SHPRH: variants seen among roughly 807,000 people sequenced by gnomAD.
SHPRH encodes E3 ubiquitin-protein ligase SHPRH.
SHPRH carries 106 observed loss-of-function variants against 202.5 expected under a neutral mutation model. The observed-to-expected ratio is 0.52, with a 90% CI of 0.45 to 0.62. The LOEUF (loss-of-function observed/expected upper bound fraction) is 0.62, where lower values mean the gene tolerates loss of function less well. Among genes scored for constraint, SHPRH ranks in the 20% least tolerant of loss-of-function variants. SHPRH has a pLI of 0.00. For missense variants in SHPRH, 1,710 were observed against 2,020.0 expected (o/e 0.85, Z 2.94); for synonymous variants, 729 against 686.0 (o/e 1.06, Z -0.98).
chr6:145,862,006 G>A (rs974610423), downstream of SHPRH, among the ~76,000 whole-genome samples: 1 of 152,190 alleles, frequency 6.6e-6, no homozygotes, highest in African/African-American at 2.4e-5. Flanking sequence ...GGGACCAGGG[G>A]TGGGAGAATG....
intron 25 of SHPRH, among the ~76,000 whole-genome samples, chr6:145,898,642 G>A (rs956567769): frequency 6.6e-6 from 1 of 151,886 alleles, no homozygotes; most frequent in Admixed American, 6.6e-5. Context: ...AAGATGAATT[G>A]GCTCCTATGA....
intron 6 of SHPRH, 39 bp from the exon 7 acceptor site, chr6:145,946,380 C>T: frequency 6.7e-7 from 1 of 1,481,640 alleles, no homozygotes; most frequent in Non-Finnish European, 9.2e-7. Flanking sequence ...CAGTGTTTTG[C>T]TTTCAGTATT....
chr6:145,919,305 A>G, intron 22 of SHPRH, 43 bp downstream of exon 22: 1 of 1,609,682 alleles, frequency 6.2e-7, no homozygotes, highest in Non-Finnish European at 8.5e-7. Flanking sequence ...TATCTGTGAC[A>G]TCTGCTTGCT....
At chr6:145,961,445 T>C (rs1223375387) in intron 1 of SHPRH, among the ~76,000 whole-genome samples, 1 of 152,180 alleles carries the variant, frequency 6.6e-6, no homozygotes, top group Non-Finnish European at 1.5e-5. Flanking sequence ...AGTTGAGAAA[T>C]GACTGCCCAG....
chr6:145,885,948 TTAAC>T lies in SHPRH; in HGVS notation c.*739_*742del, dbSNP rs1780967929. 6.6e-6 allele frequency: 1 copy of T among 152,090 alleles called. No individual in the cohort carries two copies. Among genetic ancestry groups the T allele is most frequent in the Admixed American group, 6.5e-5 (1 of 15,274 alleles). 9.4% of individuals were successfully genotyped at this position (152,090 alleles called of 1,614,324 possible). ...ATCAATCTTACAACATATAAAAACT[TTAAC>T]AATAAGAAAAATTAAGAGTAGGGAA... On this transcript the variant is annotated 3_prime_UTR_variant, in exon 30 of 30. Coordinates refer to ENST00000275233, the MANE Select transcript of SHPRH (RefSeq NM_001042683.3).
intron 11 of SHPRH, among the ~76,000 whole-genome samples, chr6:145,938,197 A>T (rs2128773125): frequency 6.6e-6 from 1 of 152,216 alleles, no homozygotes; most frequent in South Asian, 2.1e-4. Flanking sequence ...TGAGTGGATT[A>T]ATTGTCATTA....
intron 23 of SHPRH, 142 bp from the exon 24 acceptor site, chr6:145,913,691 T>C (rs1783696910): frequency 3.8e-6 from 2 of 525,720 alleles, no homozygotes; most frequent in Non-Finnish European, 3.2e-6. Context: ...CATCGATCTC[T>C]ATATTACCTA....
At chr6:145,876,000 T>C (rs1278123338) in intron 2 of SHPRH, among the ~76,000 whole-genome samples, 5 of 152,202 alleles carry the variant, frequency 3.3e-5, no homozygotes, top group Non-Finnish European at 7.3e-5. Flanking sequence ...TTCAAAAATA[T>C]CTTCGAGATA....
At chr6:145,903,425 T>G (rs892996711) in intron 25 of SHPRH, 2 of 102,444 alleles carry the variant, frequency 2.0e-5, no homozygotes, top group East Asian at 3.4e-4. Context: ...AATGTAGAGA[T>G]ACAGAGTTTT....
rs1203197212 is a variant in SHPRH at position 145,952,404 on chromosome 6, C to T, written c.708G>A (p.Lys236=). ...FLSDANSRMK[K]FNQLMKKVME... ...TTACTTTCTTCATGAGCTGATTGAA[C>T]TTTTTCATTCTTGAATTTGCATCAC... is the stretch of plus-strand genomic sequence containing the variant. Residue 236 remains lysine (K), a synonymous_variant, in exon 3 of 30, where the codon AAG becomes AAA. Transcript: ENST00000275233. 6.2e-7 allele frequency: 1 copy of T among 1,610,434 alleles called. No homozygotes were observed. Among genetic ancestry groups the T allele is most frequent in the Non-Finnish European group, 8.5e-7 (1 of 1,178,170 alleles).
chr6:145,941,104 C>A (rs1786721764), intron 10 of SHPRH, among the ~76,000 whole-genome samples: 1 of 152,196 alleles, frequency 6.6e-6, no homozygotes, highest in African/African-American at 2.4e-5. Context: ...ATCACTCTAT[C>A]CTCCAGATAT....
intron 2 of SHPRH, among the ~76,000 whole-genome samples, chr6:145,868,874 A>C (rs1015591314): frequency 1.3e-5 from 2 of 152,194 alleles, no homozygotes; most frequent in African/African-American, 2.4e-5. Context: ...AAAAGTTAAA[A>C]ATATTGAATT....
chr6:145,868,418 ATCACAC>A lies in SHPRH; in HGVS notation c.222-3933_222-3928del, dbSNP rs1171256989. Among the ~76,000 whole-genome samples, 6 of 152,350 alleles carry A rather than the reference ATCACAC, an allele frequency of 3.9e-5. No homozygotes were observed. In the East Asian group the frequency reaches 9.6e-4, roughly 24 times the overall value. On this transcript the variant is annotated intron_variant, in intron 2 of 2. Coordinates refer to the SHPRH transcript ENST00000417762. ...ACCAAAGCCCACAACTCTGCTTAAT[ATCACAC>A]AGCTGATAAGTTGTGAAGCTTGGAT...
intron 11 of SHPRH, among the ~76,000 whole-genome samples, chr6:145,936,102 CTT>C (rs1484159047): frequency 6.6e-6 from 1 of 152,146 alleles, no homozygotes; most frequent in Non-Finnish European, 1.5e-5. Context: ...TTGTTTATCT[CTT>C]TACTGGGCAC....
intron 2 of SHPRH, among the ~76,000 whole-genome samples, chr6:145,877,405 A>G (rs1780351413): frequency 6.6e-6 from 1 of 152,182 alleles, no homozygotes; most frequent in Non-Finnish European, 1.5e-5. Flanking sequence ...AGGTCTGGGG[A>G]GTCATGTCCT....
intron 13 of SHPRH, 140 bp from the exon 14 acceptor site, chr6:145,933,318 T>C: frequency 8.2e-7 from 1 of 1,225,816 alleles, no homozygotes; most frequent in Non-Finnish European, 1.1e-6. Context: ...TTCGCCTCAA[T>C]TTTTACCATT....
chr6:145,951,752 A>C (rs1348012979), intron 3 of SHPRH: 1 of 455,466 alleles, frequency 2.2e-6, no homozygotes, highest in Non-Finnish European at 4.4e-6. Flanking sequence ...CCAGTATGAC[A>C]ATGTTCTATA....
chr6:145,918,795 G>A (rs1362625683), intron 22 of SHPRH: 1 of 152,384 alleles, frequency 6.6e-6, no homozygotes, highest in African/African-American at 2.4e-5. Flanking sequence ...ACAGACTTAA[G>A]GCACTAAACA....
At chr6:145,896,591 C>T (rs1345398480) in intron 25 of SHPRH, among the ~76,000 whole-genome samples, 2 of 151,990 alleles carry the variant, frequency 1.3e-5, no homozygotes, top group Non-Finnish European at 2.9e-5. Context: ...CCCTTCCAAC[C>T]ACTACAGTTC....
Sources: allele counts gnomAD v4.1 joint callset (sites outside exome capture counted in the v4.1 genomes callset), GRCh38; gene constraint gnomAD v4.1.1; transcripts MANE v1.5; gene names NCBI Gene and HGNC (gene_info 2026-07-23, HGNC 2026-07-21).